Variants in FSHR observed in about 807,000 individuals in gnomAD.
FSHR encodes the protein follicle-stimulating hormone receptor.
In FSHR, 46 loss-of-function variants were observed where a neutral mutation model predicts 52.1. The observed-to-expected ratio is 0.88, with a 90% confidence interval of 0.70 to 1.13. FSHR has a LOEUF of 1.13. Among genes scored for constraint, FSHR ranks in the 50% most tolerant of loss-of-function variants. The pLI, the probability that FSHR is intolerant of heterozygous loss-of-function variation, is 0.00. For missense variants in FSHR, 964 were observed against 834.6 expected, an observed-to-expected ratio of 1.16 and a Z score of -1.91; for synonymous variants, 399 against 309.6, an observed-to-expected ratio of 1.29 and a Z score of -3.03.
At chr2:48,972,821 G>A (rs1674804161) in intron 8 of FSHR, among the ~76,000 whole-genome samples, 2 of 152,118 alleles carry the variant, frequency 1.3e-5, no homozygotes, top group Admixed American at 6.5e-5. Context: ...GCAATACAAA[G>A]CAGGTTATTT....
chr2:49,101,640 G>A (rs1228762399), intron 1 of FSHR, among the ~76,000 whole-genome samples: 2 of 152,116 alleles, frequency 1.3e-5, no homozygotes, highest in East Asian at 1.9e-4. Flanking sequence ...AGTTGAAGGG[G>A]GTCTTTGTCC....
At chr2:49,117,011 CTT>C (rs1671624706) in intron 1 of FSHR, among the ~76,000 whole-genome samples, 1 of 152,176 alleles carries the variant, frequency 6.6e-6, no homozygotes, top group Admixed American at 6.5e-5. Flanking sequence ...CATTCTTCCC[CTT>C]CTTTGCCTAC....
intron 5 of FSHR, among the ~76,000 whole-genome samples, chr2:48,989,323 C>T (rs1168866104): frequency 4.1e-5 from 6 of 146,996 alleles, no homozygotes; most frequent in Non-Finnish European, 7.4e-5. Context: ...TGCTCTGTCA[C>T]CCAGGCTGGA....
At chr2:48,980,277 T>A (rs1442729391) in intron 8 of FSHR, among the ~76,000 whole-genome samples, 1 of 152,074 alleles carries the variant, frequency 6.6e-6, no homozygotes, top group Middle Eastern at 3.2e-3. Flanking sequence ...TCATGGGGAG[T>A]GCTTCCTAAT....
At chr2:49,021,851 CTCTCTCTCTCTCTATATATA>C (rs1376739494) in intron 2 of FSHR, among the ~76,000 whole-genome samples, 2 of 33,410 alleles carry the variant, frequency 6.0e-5, no homozygotes, top group African/African-American at 1.3e-4. Flanking sequence ...CTCTCTCTCT[CTCTCTCTCTCTCTATATATA>C]TATATATATA....
chr2:48,977,359 A>C (rs1276749471), intron 8 of FSHR, among the ~76,000 whole-genome samples: 1 of 152,214 alleles, frequency 6.6e-6, no homozygotes, highest in Admixed American at 6.5e-5. Context: ...TTATATGAGC[A>C]GAAGAATGGT....
intron 4 of FSHR, chr2:48,997,439 C>G (rs72825283): frequency 2.1e-5 from 20 of 961,314 alleles, no homozygotes; most frequent in Non-Finnish European, 2.5e-5. Flanking sequence ...AGATTCTGTT[C>G]GGACCTAGCA....
At chr2:49,041,486 T>C (rs562848864) in intron 2 of FSHR, among the ~76,000 whole-genome samples, 1 of 152,338 alleles carries the variant, frequency 6.6e-6, no homozygotes, top group Admixed American at 6.5e-5. Flanking sequence ...AGACCCTGTC[T>C]TCCTTCCAGA....
At position 49,121,527 on chromosome 2, in the gene FSHR, T is replaced by C. The variant is rs769030037; in HGVS notation, c.152+32739A>G. Among the ~76,000 whole-genome samples, 80 of 152,320 alleles carry C rather than the reference T, an allele frequency of 5.3e-4. 2 individuals are homozygous for C. The highest frequency in any genetic ancestry group is 6.6e-4 in the Non-Finnish European group (45 of 68,026). On this transcript the variant is annotated intron_variant, in intron 1 of 9. Coordinates refer to ENST00000406846, the MANE Select transcript of FSHR (RefSeq NM_000145.4). ...AGCAGTGTGGGAAGTGGGTTAATTGTTTATTAGGTGTCTACTAGATTCCAG... is the reference window on the plus strand; with the variant it reads ...AGCAGTGTGGGAAGTGGGTTAATTGCTTATTAGGTGTCTACTAGATTCCAG...
At chr2:49,023,003 T>C (rs1667791634) in intron 2 of FSHR, among the ~76,000 whole-genome samples, 1 of 152,216 alleles carries the variant, frequency 6.6e-6, no homozygotes, top group Admixed American at 6.5e-5. Flanking sequence ...TCATACTTTG[T>C]ACTGCAAGGT....
chr2:49,140,319 C>T (rs547761957), intron 1 of FSHR, among the ~76,000 whole-genome samples: 1 of 151,934 alleles, frequency 6.6e-6, no homozygotes, highest in Non-Finnish European at 1.5e-5. Flanking sequence ...CACCACCCCC[C>T]ACCCATTCTC....
intron 2 of FSHR, among the ~76,000 whole-genome samples, chr2:49,063,934 C>G (rs1325084231): frequency 1.3e-5 from 2 of 151,974 alleles, no homozygotes; most frequent in African/African-American, 2.4e-5. Flanking sequence ...GTACACTATA[C>G]TCAATTATTT....
intron 1 of FSHR, among the ~76,000 whole-genome samples, chr2:49,138,944 G>A (rs77523292): frequency 0.029 from 4,388 of 152,188 alleles, 96 homozygotes; most frequent in Non-Finnish European, 0.042. Context: ...GGTGTGTGGG[G>A]TATGAGATAA....
chr2:49,074,237 GA>G (rs1377501227), intron 1 of FSHR, among the ~76,000 whole-genome samples: 1 of 151,896 alleles, frequency 6.6e-6, no homozygotes, highest in African/African-American at 2.4e-5. Flanking sequence ...ACAAAAAACA[GA>G]ATGAAAAGAT....
intron 6 of FSHR, among the ~76,000 whole-genome samples, chr2:48,983,569 G>A (rs1346640410): frequency 6.6e-6 from 1 of 152,174 alleles, no homozygotes; most frequent in African/African-American, 2.4e-5. Flanking sequence ...ATAAGACAGA[G>A]AAAGAACATT....
At chr2:49,051,167 G>T (rs569097543) in intron 2 of FSHR, among the ~76,000 whole-genome samples, 9 of 151,838 alleles carry the variant, frequency 5.9e-5, no homozygotes, top group Non-Finnish European at 1.3e-4. Context: ...TTTCTGTTTG[G>T]GGCTATTATG....
At chr2:49,035,106 T>C (rs1668232135) in intron 2 of FSHR, among the ~76,000 whole-genome samples, 2 of 152,212 alleles carry the variant, frequency 1.3e-5, no homozygotes, top group Non-Finnish European at 2.9e-5. Flanking sequence ...GCCTGGTCTT[T>C]ATAGGCCTTA....
chr2:49,034,324 C>T (rs575630144), intron 2 of FSHR, among the ~76,000 whole-genome samples: 1 of 152,310 alleles, frequency 6.6e-6, no homozygotes, highest in African/African-American at 2.4e-5. Context: ...GACCCCCCTT[C>T]CGAGGTCCCA....
intron 1 of FSHR, among the ~76,000 whole-genome samples, chr2:49,105,093 G>T (rs1309326012): frequency 2.6e-5 from 4 of 152,096 alleles, no homozygotes; most frequent in South Asian, 2.1e-4. Context: ...GCAGGGAGTG[G>T]GTACTGAGAC....
Sources: allele counts gnomAD v4.1 joint callset (sites outside exome capture counted in the v4.1 genomes callset), GRCh38; gene constraint gnomAD v4.1.1; transcripts MANE v1.5; gene names NCBI Gene and HGNC (gene_info 2026-07-23, HGNC 2026-07-21).